LPGAT1: variants seen among roughly 807,000 people sequenced by gnomAD.
LPGAT1 encodes the protein lysophosphatidylglycerol acyltransferase 1.
Under a neutral mutation model 47.5 loss-of-function variants are expected in LPGAT1, and 11 were observed. The ratio of observed to expected loss-of-function variants is 0.23; its 90% CI spans 0.15 to 0.38. LPGAT1 has a LOEUF of 0.38. Ranked by LOEUF, LPGAT1 falls within the 10% of genes least tolerant of loss-of-function variation. The pLI is 1.00. For synonymous variants in LPGAT1, 138 were observed against 144.2 expected (o/e 0.96, Z 0.31); for missense variants, 293 against 439.0 (o/e 0.67, Z 2.97).
chr1:211,778,579 G>A (rs548327569), intron 6 of LPGAT1, among the ~76,000 whole-genome samples: 4 of 152,150 alleles, frequency 2.6e-5, no homozygotes, highest in East Asian at 3.9e-4. Flanking sequence ...CTTGGGGTCT[G>A]GATCAGGACC....
At chr1:211,762,483 T>G (rs1364909975) in intron 6 of LPGAT1, among the ~76,000 whole-genome samples, 3 of 152,222 alleles carry the variant, frequency 2.0e-5, no homozygotes, top group African/African-American at 4.8e-5. Flanking sequence ...TTACTCTGAT[T>G]GGTCACCATA....
At chr1:211,826,313 T>C (rs1660542941) in intron 2 of LPGAT1, among the ~76,000 whole-genome samples, 1 of 152,180 alleles carries the variant, frequency 6.6e-6, no homozygotes, top group Non-Finnish European at 1.5e-5. Context: ...TGTTTAGAAC[T>C]AAGGAAAGAT....
At chr1:211,827,307 T>C (rs925833070) in intron 2 of LPGAT1, among the ~76,000 whole-genome samples, 1 of 152,172 alleles carries the variant, frequency 6.6e-6, no homozygotes, top group East Asian at 1.9e-4. Context: ...CACAGTTCTA[T>C]AGTCAGCAAG....
At position 211,828,368 on chromosome 1, in the gene LPGAT1, T is replaced by C. The variant is rs181610323; in HGVS notation, c.238+691A>G. ...AAGGTTTATCTCAGAAAATAAACAC[T>C]TCTCATTTAGTTCTATAAAAGTCCA... is the stretch of plus-strand genomic sequence containing the variant. On this transcript the variant is annotated intron_variant, in intron 2 of 7. Coordinates refer to ENST00000366997, the MANE Select transcript of LPGAT1 (RefSeq NM_014873.3). Among the ~76,000 whole-genome samples, 239 of 152,328 alleles carry C rather than the reference T, an allele frequency of 1.6e-3. 1 individual carries two copies. The highest frequency in any genetic ancestry group is 2.8e-3 in the Non-Finnish European group (189 of 68,040).
At chr1:211,753,841 G>A (rs1411202465) in intron 6 of LPGAT1, among the ~76,000 whole-genome samples, 7 of 152,122 alleles carry the variant, frequency 4.6e-5, no homozygotes, top group African/African-American at 7.2e-5. Context: ...GGGACTGAAT[G>A]GCTGATTGAA....
intron 2 of LPGAT1, among the ~76,000 whole-genome samples, chr1:211,816,158 A>G (rs1660167222): frequency 6.6e-6 from 1 of 151,920 alleles, no homozygotes; most frequent in African/African-American, 2.4e-5. Flanking sequence ...TCTCAATTTC[A>G]GTGTTCCTTT....
At chr1:211,792,660 T>G (rs944319817) in intron 3 of LPGAT1, among the ~76,000 whole-genome samples, 1 of 150,956 alleles carries the variant, frequency 6.6e-6, no homozygotes, top group African/African-American at 2.4e-5. Context: ...GTATACATAT[T>G]AAAGTCTATG....
intron 6 of LPGAT1, among the ~76,000 whole-genome samples, chr1:211,752,721 T>C (rs1272560202): frequency 2.6e-5 from 4 of 152,228 alleles, no homozygotes; most frequent in Admixed American, 6.5e-5. Flanking sequence ...GGTGTTGAAA[T>C]TTTGTTAAGC....
chr1:211,829,505 G>C, intron 1 of LPGAT1, 182 bp from the exon 2 acceptor site: 1 of 1,428,090 alleles, frequency 7.0e-7, no homozygotes, highest in Non-Finnish European at 9.1e-7. Flanking sequence ...GGGAGGAGGA[G>C]CCGCACAAGG....
chr1:211,779,576 T>G (rs1286831664), intron 5 of LPGAT1, among the ~76,000 whole-genome samples: 1 of 152,180 alleles, frequency 6.6e-6, no homozygotes, highest in Non-Finnish European at 1.5e-5. Context: ...GCAGGCTGGG[T>G]GCAGTAGCTC....
chr1:211,797,729 T>C (rs1659406627), intron 2 of LPGAT1, among the ~76,000 whole-genome samples: 1 of 152,132 alleles, frequency 6.6e-6, no homozygotes, highest in Admixed American at 6.5e-5. Context: ...GAAAAGAAAT[T>C]ATGGATGTCT....
chr1:211,778,341 CAA>C (rs551509650), intron 6 of LPGAT1, among the ~76,000 whole-genome samples: 6 of 33,164 alleles, frequency 1.8e-4, no homozygotes, highest in Non-Finnish European at 1.7e-4. Flanking sequence ...GACTCTGTCT[CAA>C]AAAAAAAAAA....
chr1:211,823,382 A>G (rs1318005764), intron 2 of LPGAT1, among the ~76,000 whole-genome samples: 1 of 152,206 alleles, frequency 6.6e-6, no homozygotes, highest in African/African-American at 2.4e-5. Context: ...TATAATTATT[A>G]AGAATTCAAA....
rs1660683008 is a variant in LPGAT1 at position 211,830,175 on chromosome 1, G to C, written c.-28+398C>G. The C allele has an allele frequency of 3.1e-6, 3 of 982,920 alleles. 1 individual carries two copies. In the South Asian group the frequency reaches 1.4e-4, roughly 46 times the overall value. 60.9% of individuals were successfully genotyped at this position (982,920 alleles called of 1,614,324 possible). A position where few individuals can be genotyped will look rare whatever the true frequency, so the allele number is the denominator to read the frequency against. ...TGGCGGCGGGCGCGGCCCGCGCGCC[G>C]GGCTCACCTCGGCGGGCGCGGACGG... On this transcript the variant is annotated intron_variant, in intron 1 of 7. Coordinates refer to ENST00000366997, the MANE Select transcript of LPGAT1 (RefSeq NM_014873.3). This position sits in a 1 kb window ranked among gnomAD's most constrained non-coding sequence, Gnocchi z 5.9.
chr1:211,780,058 T>C (rs961105214), intron 5 of LPGAT1, among the ~76,000 whole-genome samples: 2 of 151,128 alleles, frequency 1.3e-5, no homozygotes, highest in Non-Finnish European at 2.9e-5. Context: ...ACGCTTGTAA[T>C]CCCAGCTACT....
intron 6 of LPGAT1, among the ~76,000 whole-genome samples, chr1:211,766,454 T>A (rs1027496221): frequency 2.6e-5 from 4 of 152,206 alleles, no homozygotes; most frequent in African/African-American, 9.7e-5. Context: ...CTACTGAACA[T>A]CATAGCTTAA....
At chr1:211,774,918 G>T (rs974558436) in intron 6 of LPGAT1, among the ~76,000 whole-genome samples, 7 of 151,912 alleles carry the variant, frequency 4.6e-5, no homozygotes, top group African/African-American at 1.7e-4. Context: ...AAAACATTCT[G>T]CTCCACATTC....
intron 6 of LPGAT1, among the ~76,000 whole-genome samples, chr1:211,773,846 C>T (rs976205824): frequency 5.9e-5 from 9 of 152,104 alleles, no homozygotes; most frequent in African/African-American, 1.7e-4. Context: ...AGATGTTTCC[C>T]TTAGGTAAGT....
chr1:211,747,605 T>A lies in LPGAT1; in HGVS notation c.*2294A>T, dbSNP rs1656994751. 6.6e-6 allele frequency: 1 copy of A among 152,226 alleles called. No individual in the cohort carries two copies. The highest frequency in any genetic ancestry group is 1.5e-5 in the Non-Finnish European group (1 of 68,034). The allele number at this position is 152,226 out of a possible 1,614,324, so 9.4% of individuals were successfully genotyped here. A position where few individuals can be genotyped will look rare whatever the true frequency, so the allele number is the denominator to read the frequency against. On this transcript the variant is annotated 3_prime_UTR_variant, in exon 8 of 8. Coordinates refer to ENST00000366997, the MANE Select transcript of LPGAT1 (RefSeq NM_014873.3). ...TCTACCCTGTGGCTTGCTGTAGCAA[T>A]GAGGAAAAGGTCTATCAGCTAGGAC... is the stretch of plus-strand genomic sequence containing the variant.
Sources: allele counts gnomAD v4.1 joint callset (sites outside exome capture counted in the v4.1 genomes callset), GRCh38; gene constraint gnomAD v4.1.1; non-coding constraint Gnocchi (gnomAD v3.1); transcripts MANE v1.5; gene names NCBI Gene and HGNC (gene_info 2026-07-23, HGNC 2026-07-21).